PKD1L1: variants seen among roughly 807,000 people sequenced by gnomAD.
PKD1L1 encodes polycystin-1-like protein 1.
A neutral mutation model predicts 323.4 loss-of-function variants in PKD1L1; 236 were observed. The observed-to-expected ratio is 0.73, with a 90% CI of 0.66 to 0.81. PKD1L1 has a LOEUF of 0.81. Among genes scored for constraint, PKD1L1 ranks in the 40% least tolerant of loss-of-function variants. PKD1L1 has a pLI of 0.00. For missense variants in PKD1L1, 3,320 were observed against 3,508.0 expected (o/e 0.95, Z 1.35); for synonymous variants, 1,344 against 1,335.0 (o/e 1.01, Z -0.15).
intron 56 of PKD1L1, among the ~76,000 whole-genome samples, chr7:47,780,660 T>C (rs762230420): frequency 6.6e-6 from 1 of 152,132 alleles, no homozygotes; most frequent in Non-Finnish European, 1.5e-5. Context: ...TAGAATCATA[T>C]AGTATGTAAC....
chr7:47,909,960 A>C (rs1787282610), intron 8 of PKD1L1, among the ~76,000 whole-genome samples: 1 of 152,186 alleles, frequency 6.6e-6, no homozygotes. Flanking sequence ...TCAGATTAAC[A>C]TGTAGAAGAA....
chr7:47,905,079 T>C (rs984416556), intron 11 of PKD1L1, 78 bp downstream of exon 11: 2 of 1,487,898 alleles, frequency 1.3e-6, no homozygotes, highest in Non-Finnish European at 1.8e-6. Context: ...ATGCCTTCGG[T>C]AGCAGCATGG....
chr7:47,915,535 T>G lies in PKD1L1; in HGVS notation c.1125A>C (p.Gln375His). The G allele has an allele frequency of 6.4e-7, 1 of 1,555,472 alleles. No homozygotes were observed. The highest frequency in any genetic ancestry group is 8.9e-7 in the Non-Finnish European group (1 of 1,126,918). Residue 375 changes from glutamine (Q) to histidine (H), a missense_variant, in exon 8 of 57, where the codon CAA becomes CAC. Physicochemically the swap from Gln to His is conservative, Grantham distance 24 (BLOSUM62 0). Transcript: ENST00000289672. ...DMSTYKEAET[Q>H]NTTLNVYLCQ... ...ACAAGTAAACATTTAAAGTTGTATT[T>G]TGTGTCTCTGCTTCTTTGTAGGTGG...
chr7:47,848,242 C>G (rs1489661595), intron 31 of PKD1L1, among the ~76,000 whole-genome samples: 2 of 152,190 alleles, frequency 1.3e-5, no homozygotes, highest in East Asian at 3.9e-4. Context: ...ACACTCCTCC[C>G]CCTACATGTA....
chr7:47,839,390 C>T lies in PKD1L1; in HGVS notation c.5769+56G>A. 2 of 1,435,714 alleles carry T rather than the reference C, an allele frequency of 1.4e-6. No individual in the cohort carries two copies. Among genetic ancestry groups the T allele is most frequent in the East Asian group, 2.4e-5 (1 of 41,462 alleles). 88.9% of individuals were successfully genotyped at this position (1,435,714 alleles called of 1,614,324 possible). On this transcript the variant is annotated intron_variant, in intron 36 of 56. Coordinates refer to ENST00000289672, the MANE Select transcript of PKD1L1 (RefSeq NM_138295.5). This position sits in a 1 kb window ranked among gnomAD's most constrained non-coding sequence, Gnocchi z 4.3. The stretch of plus-strand genomic sequence containing the variant: ...GTGGCAAGCGAAGCAGAGACAGGTG[C>T]CATGCTCTGCCGGTCAGCCAGGTGC...
At chr7:47,789,986 T>G (rs1584944251) in intron 56 of PKD1L1, among the ~76,000 whole-genome samples, 1 of 152,022 alleles carries the variant, frequency 6.6e-6, no homozygotes, top group East Asian at 1.9e-4. Flanking sequence ...CCTCCCAGGT[T>G]CAAGCAATTC....
At chr7:47,942,660 A>T (rs1402152397) in intron 2 of PKD1L1, among the ~76,000 whole-genome samples, 1 of 152,138 alleles carries the variant, frequency 6.6e-6, no homozygotes, top group Non-Finnish European at 1.5e-5. Context: ...TCTCTGTGTT[A>T]AGGACGAGGA....
intron 54 of PKD1L1, among the ~76,000 whole-genome samples, chr7:47,796,445 T>TA (rs1296281903): frequency 6.6e-6 from 1 of 152,220 alleles, no homozygotes; most frequent in Non-Finnish European, 1.5e-5. Context: ...TGCCCATATG[T>TA]AAAGTCTGTG....
intron 11 of PKD1L1, among the ~76,000 whole-genome samples, chr7:47,904,865 CCTTT>C (rs1787169640): frequency 6.6e-6 from 1 of 152,018 alleles, no homozygotes; most frequent in Admixed American, 6.6e-5. Flanking sequence ...GCATCATTGC[CCTTT>C]CTTAGATGAG....
rs552222413 is a variant in PKD1L1 at position 47,908,775 on chromosome 7, TTCA to T, written c.1229-528_1229-526del. On this transcript the variant is annotated intron_variant, in intron 8 of 56. Transcript: ENST00000289672. The stretch of plus-strand genomic sequence containing the variant: ...CTCATTAAGTGGAGAAGACTATTGC[TTCA>T]CCCCTCGAATCAGTGCTAATCATAT... Among the ~76,000 whole-genome samples, 238 of 152,358 alleles carry T rather than the reference TTCA, an allele frequency of 1.6e-3. 2 individuals are homozygous for T. Among genetic ancestry groups the T allele is most frequent in the African/African-American group, 5.3e-3 (221 of 41,582 alleles).
chr7:47,823,179 T>C (rs535317567), intron 45 of PKD1L1, among the ~76,000 whole-genome samples: 2 of 152,318 alleles, frequency 1.3e-5, no homozygotes, highest in East Asian at 1.9e-4. Flanking sequence ...CTATTAAGTA[T>C]GATGTTAGGT....
At chr7:47,896,241 A>C (rs2128749641) in intron 14 of PKD1L1, among the ~76,000 whole-genome samples, 1 of 149,366 alleles carries the variant, frequency 6.7e-6, no homozygotes, top group East Asian at 2.0e-4. Context: ...AGGCAGAAGG[A>C]TCACTTGAGC....
At chr7:47,856,189 C>G (rs1037934238) in intron 28 of PKD1L1, among the ~76,000 whole-genome samples, 5 of 152,176 alleles carry the variant, frequency 3.3e-5, no homozygotes, top group Non-Finnish European at 5.9e-5. Context: ...AGGCACGTGC[C>G]ACCACACTCG....
chr7:47,887,974 T>C lies in PKD1L1; in HGVS notation c.2836+16A>G, dbSNP rs1189429036. ...TTTCCCTCAGAAAACAAAATAAAGC[T>C]ATTAATCCTTTTTACCTTCTATCCT... On this transcript the variant is annotated intron_variant, in intron 17 of 56. Transcript: ENST00000289672. 1 of 1,595,410 alleles carries C rather than the reference T, an allele frequency of 6.3e-7. No homozygotes were observed. Among genetic ancestry groups the C allele is most frequent in the East Asian group, 2.2e-5 (1 of 44,660 alleles).
chr7:47,924,015 C>A (rs1050421299), intron 7 of PKD1L1, among the ~76,000 whole-genome samples: 3 of 151,380 alleles, frequency 2.0e-5, no homozygotes, highest in South Asian at 2.1e-4. Context: ...TTATATATGT[C>A]AAAAATCTAG....
Position 47,929,472 on chromosome 7 carries a change from C to A in PKD1L1, c.792G>T (p.Gln264His). ...IPRTPSFTAS[Q>H]SGSEILYPPT... ...GGGGATAGAGGATCTCAGAACCAGA[C>A]TGCGATGCCGTGAAGCTGGGGGTGC... Residue 264 changes from glutamine (Q) to histidine (H), a missense_variant, in exon 7 of 57, where the codon CAG (glutamine) becomes CAT (histidine). Physicochemically the swap from Gln to His is conservative, Grantham distance 24. Transcript: ENST00000289672. 6.2e-7 allele frequency: 1 copy of A among 1,614,182 alleles called. No individual in the cohort carries two copies. Among genetic ancestry groups the A allele is most frequent in the East Asian group, 2.2e-5 (1 of 44,888 alleles).
At chr7:47,857,464 C>A (rs1010909820) in intron 28 of PKD1L1, 141 bp downstream of exon 28, 2 of 665,660 alleles carry the variant, frequency 3.0e-6, no homozygotes, top group African/African-American at 3.6e-5. Context: ...TCTAAGTGAT[C>A]CCTCTTGGCA....
At chr7:47,837,194 C>T in intron 36 of PKD1L1, 100 bp from the exon 37 acceptor site, 1 of 1,334,704 alleles carries the variant, frequency 7.5e-7, no homozygotes, top group Non-Finnish European at 1.0e-6. Context: ...AGACCACGAG[C>T]TTTCTGGTTC....
rs149150961 is a variant in PKD1L1 at position 47,944,924 on chromosome 7, G to A, written c.45-1413C>T. 3.3e-3 allele frequency among the ~76,000 whole-genome samples: 496 copies of A among 152,328 alleles called. 2 individuals carry two copies. Among genetic ancestry groups the A allele is most frequent in the African/African-American group, 0.011 (473 of 41,590 alleles). ...TTCTGGTCTTGATTCAGCCAGAAAT[G>A]GATGGTGTGATTTGGGTTTCTCCTC... On this transcript the variant is annotated intron_variant, in intron 1 of 56. Transcript: ENST00000289672.
Sources: gnomAD v4.1 joint callset for allele counts (sites outside exome capture counted in the v4.1 genomes callset) on GRCh38, gnomAD v4.1.1 for gene constraint, Gnocchi (gnomAD v3.1) non-coding constraint, MANE v1.5 for transcripts, NCBI Gene and HGNC (gene_info 2026-07-23, HGNC 2026-07-21) for gene names.